The following CDH22 variants were observed in gnomAD, a reference collection of about 807,000 sequenced individuals.
CDH22 encodes cadherin-22.
In CDH22, 30 loss-of-function variants were observed where a neutral mutation model predicts 58.4. The observed-to-expected ratio is 0.51, with a 90% CI of 0.38 to 0.70. The LOEUF (loss-of-function observed/expected upper bound fraction) is 0.70. CDH22 is among the 30% of genes least tolerant of loss of function. The probability of loss-of-function intolerance (pLI) is 0.00; values close to 1 mark genes in which losing one functional copy is unlikely to be tolerated. For synonymous variants in CDH22, 513 were observed against 558.2 expected (o/e 0.92, Z 1.14); for missense variants, 1,014 against 1,233.9 (o/e 0.82, Z 2.67).
Position 46,210,635 on chromosome 20 carries a change from G to C in CDH22, c.1033-75C>G. 1.5e-6 allele frequency: 2 copies of C among 1,351,392 alleles called. No homozygotes were observed. The highest frequency in any genetic ancestry group is 1.9e-6 in the Non-Finnish European group (2 of 1,032,832). 83.7% of individuals were successfully genotyped at this position (1,351,392 alleles called of 1,614,324 possible). On this transcript the variant is annotated intron_variant, in intron 6 of 11. Transcript: ENST00000537909. This position sits in a 1 kb window ranked among gnomAD's most constrained non-coding sequence, Gnocchi z 4.5. ...TGAGGCCTTCACGAGGGAGGCCAAGGCAGGCGGGGTTGGCCCAAGGTCACA... is the reference window on the plus strand; with the variant it reads ...TGAGGCCTTCACGAGGGAGGCCAAGCCAGGCGGGGTTGGCCCAAGGTCACA...
intron 1 of CDH22, among the ~76,000 whole-genome samples, chr20:46,288,262 C>A (rs1218197226): frequency 6.6e-6 from 1 of 152,100 alleles, no homozygotes; most frequent in Non-Finnish European, 1.5e-5. Flanking sequence ...CTCCCTGGTA[C>A]CCCAGATTTG....
chr20:46,301,588 A>G (rs1402802369), intron 1 of CDH22, among the ~76,000 whole-genome samples: 1 of 151,938 alleles, frequency 6.6e-6, no homozygotes, highest in Non-Finnish European at 1.5e-5. Context: ...AGGAGGGTGG[A>G]CCACCAGAGG....
chr20:46,285,571 A>G (rs191328048), intron 1 of CDH22, among the ~76,000 whole-genome samples: 26 of 152,288 alleles, frequency 1.7e-4, no homozygotes, highest in Admixed American at 5.2e-4. Flanking sequence ...ATCAAACCTA[A>G]GATATCAGTA....
intron 1 of CDH22, among the ~76,000 whole-genome samples, chr20:46,296,663 C>T (rs535966920): frequency 1.3e-5 from 2 of 152,284 alleles, no homozygotes; most frequent in Admixed American, 1.3e-4. Flanking sequence ...CATCAGGTGA[C>T]CATGTCAGAT....
At chr20:46,211,546 C>T (rs61172486) in intron 6 of CDH22, among the ~76,000 whole-genome samples, 75,480 of 152,032 alleles carry the variant, frequency 0.5, 21,653 homozygotes, top group Middle Eastern at 0.68. Flanking sequence ...TCACCGACTC[C>T]GCAGAGACAC....
Position 46,210,342 on chromosome 20 carries a change from C to T in CDH22, c.1251G>A (p.Thr417=), listed in dbSNP as rs755258773. 2.0e-6 allele frequency: 3 copies of T among 1,463,638 alleles called. No homozygotes were observed. The highest frequency in any genetic ancestry group is 1.3e-5 in the South Asian group (1 of 76,160). 90.7% of individuals were successfully genotyped at this position (1,463,638 alleles called of 1,614,324 possible). A position where few individuals can be genotyped will look rare whatever the true frequency, so the allele number is the denominator to read the frequency against. Residue 417 remains threonine, a synonymous_variant, in exon 7 of 12, where the codon ACG becomes ACA. Coordinates refer to ENST00000537909, the MANE Select transcript of CDH22 (RefSeq NM_021248.3). The surrounding 1 kb of genome is among the most constrained non-coding windows in gnomAD (Gnocchi z 4.5). ...GGTTGGCGGCGTCGGGGTCCCGCGC[C>T]GTCACCACGCCGACCAGGGAGCCCA... ...AQVGSLVGVV[T]ARDPDAANRP... is the part of the protein sequence containing the mutation.
chr20:46,282,911 G>A (rs1568682675), intron 1 of CDH22, among the ~76,000 whole-genome samples: 1 of 152,274 alleles, frequency 6.6e-6, no homozygotes, highest in East Asian at 1.9e-4. Context: ...TCAGGAAGGC[G>A]GGCTCTTCAA....
intron 4 of CDH22, among the ~76,000 whole-genome samples, chr20:46,218,889 G>A (rs1239863771): frequency 3.9e-5 from 6 of 152,132 alleles, no homozygotes; most frequent in African/African-American, 9.7e-5. Flanking sequence ...CCAACCTGCC[G>A]AGCACCAGGT....
rs987496094 is a variant in CDH22 at position 46,249,172 on chromosome 20, A to G, written c.255+1868T>C. Among the ~76,000 whole-genome samples the G allele has an allele frequency of 3.9e-5, 6 of 152,294 alleles. No individual in the cohort carries two copies. In the South Asian group the frequency reaches 1.2e-3, roughly 32 times the overall value. On this transcript the variant is annotated intron_variant, in intron 2 of 11. Coordinates refer to ENST00000537909, the MANE Select transcript of CDH22 (RefSeq NM_021248.3). ...TAACTTGTTCAAGGTCACTCAGTGAAGGGATTGGCAGAACCAGGCCTCAAA... is the reference window on the plus strand; with the variant it reads ...TAACTTGTTCAAGGTCACTCAGTGAGGGGATTGGCAGAACCAGGCCTCAAA...
chr20:46,212,867 G>T, intron 6 of CDH22, 128 bp downstream of exon 6: 1 of 741,118 alleles, frequency 1.3e-6, no homozygotes, highest in Non-Finnish European at 2.2e-6. Context: ...TTCCAGGTTG[G>T]TCCTGGACCT....
At chr20:46,188,485 T>G (rs2085842006) in intron 8 of CDH22, among the ~76,000 whole-genome samples, 1 of 147,994 alleles carries the variant, frequency 6.8e-6, no homozygotes, top group South Asian at 2.1e-4. Context: ...CGCCAAGGTC[T>G]GATTGCAAAA....
intron 7 of CDH22, among the ~76,000 whole-genome samples, chr20:46,200,820 G>GC (rs1793028028): frequency 6.6e-6 from 1 of 152,184 alleles, no homozygotes; most frequent in Non-Finnish European, 1.5e-5. Flanking sequence ...GGAATTTTGA[G>GC]CAGGGGAGAG....
chr20:46,210,203 C>G lies in CDH22; in HGVS notation c.1286+104G>C. On this transcript the variant is annotated intron_variant, in intron 7 of 11. Transcript: ENST00000537909. The surrounding 1 kb of genome is among the most constrained non-coding windows in gnomAD (Gnocchi z 4.5). ...CCCTCCCCCACGCAGCCCCTTCCTT[C>G]GGCCCTGCCCGCCCCAGCCCTCCTC... 1 of 1,201,470 alleles carries G rather than the reference C, an allele frequency of 8.3e-7. No homozygotes were observed. The highest frequency in any genetic ancestry group is 1.1e-6 in the Non-Finnish European group (1 of 930,426). The allele number at this position is 1,201,470 out of a possible 1,614,324, so 74.4% of individuals were successfully genotyped here. A position where few individuals can be genotyped will look rare whatever the true frequency, so the allele number is the denominator to read the frequency against.
intron 4 of CDH22, among the ~76,000 whole-genome samples, chr20:46,218,153 G>A (rs572612183): frequency 1.1e-4 from 16 of 152,190 alleles, no homozygotes. Flanking sequence ...CAAACTCCTA[G>A]CCTCAAGTGA....
At chr20:46,290,343 C>G (rs1048812548) in intron 1 of CDH22, among the ~76,000 whole-genome samples, 2 of 152,198 alleles carry the variant, frequency 1.3e-5, no homozygotes, top group Non-Finnish European at 2.9e-5. Context: ...GTTGTCACAA[C>G]TGGGTGGGAG....
Position 46,174,338 on chromosome 20 carries a change from G to A in CDH22, c.*168C>T. 1.8e-6 allele frequency: 1 copy of A among 543,810 alleles called. No individual in the cohort carries two copies. Among genetic ancestry groups the A allele is most frequent in the Non-Finnish European group, 3.2e-6 (1 of 316,316 alleles). The allele number at this position is 543,810 out of a possible 1,614,324, so 33.7% of individuals were successfully genotyped here. ...TGGGCTCCAAAGCTGCACCCCTAGA[G>A]GAGGAGGAATGGAAGAGTCCGCTCC... On this transcript the variant is annotated 3_prime_UTR_variant, in exon 12 of 12. Transcript: ENST00000537909. This position sits in a 1 kb window ranked among gnomAD's most constrained non-coding sequence, Gnocchi z 4.4.
chr20:46,284,035 T>C (rs181949099), intron 1 of CDH22, among the ~76,000 whole-genome samples: 34 of 152,210 alleles, frequency 2.2e-4, no homozygotes, highest in African/African-American at 6.3e-4. Context: ...CTTAAGGAAA[T>C]TGTTCCAATG....
intron 8 of CDH22, among the ~76,000 whole-genome samples, chr20:46,189,150 T>C (rs1233075003): frequency 6.6e-6 from 1 of 152,142 alleles, no homozygotes; most frequent in Non-Finnish European, 1.5e-5. Context: ...GGCTGAGTTC[T>C]TAATTAATTC....
At chr20:46,242,068 AG>A (rs1568670801) in intron 2 of CDH22, among the ~76,000 whole-genome samples, 1 of 152,222 alleles carries the variant, frequency 6.6e-6, no homozygotes, top group East Asian at 1.9e-4. Flanking sequence ...CAGGGAGTGA[AG>A]GGAGAGAGGA....
Sources: allele counts gnomAD v4.1 joint callset (sites outside exome capture counted in the v4.1 genomes callset), GRCh38; gene constraint gnomAD v4.1.1; non-coding constraint Gnocchi (gnomAD v3.1); transcripts MANE v1.5; gene names NCBI Gene and HGNC (gene_info 2026-07-23, HGNC 2026-07-21).